Variants in CHRDL2 observed in about 807,000 individuals in gnomAD.
CHRDL2 encodes chordin-like protein 2.
A neutral mutation model predicts 54.3 loss-of-function variants in CHRDL2; 41 were observed. The observed-to-expected ratio is 0.76, with a 90% CI of 0.59 to 0.98. The LOEUF is 0.98. Ranked by LOEUF, CHRDL2 falls within the 50% of genes least tolerant of loss-of-function variation. CHRDL2 has a pLI of 0.00. For synonymous variants in CHRDL2, 220 were observed against 224.3 expected (o/e 0.98, Z 0.17); for missense variants, 518 against 562.4 (o/e 0.92, Z 0.80).
chr11:74,701,709 A>G (rs1450503850), intron 9 of CHRDL2: 1 of 658,534 alleles, frequency 1.5e-6, no homozygotes, highest in Non-Finnish European at 2.8e-6. Context: ...GAGATAGTGA[A>G]TGTGAAAGCA....
chr11:74,699,150 A>G (rs1270397447), intron 9 of CHRDL2: 1 of 152,276 alleles, frequency 6.6e-6, no homozygotes. Flanking sequence ...GGCAACAAGC[A>G]TGAGATGAGA....
intron 1 of CHRDL2, among the ~76,000 whole-genome samples, chr11:74,723,685 GAC>G (rs758978083): frequency 1.4e-4 from 22 of 152,206 alleles, no homozygotes; most frequent in Non-Finnish European, 3.2e-4. Context: ...TGATCACTGA[GAC>G]AGCTACCAAG....
At position 74,696,555 on chromosome 11, in the gene CHRDL2, AG is replaced by A; in HGVS notation, c.1243del (p.Leu415TrpfsTer3). The A allele has an allele frequency of 6.2e-7, 1 of 1,614,074 alleles. No individual in the cohort carries two copies. The highest frequency in any genetic ancestry group is 1.7e-4 in the Middle Eastern group (1 of 5,972). ...GHWNVFLAQT[L>X]ELKVTASPDK... ...TGGACTGGCCGTGACCTTCAGCTCC[AG>A]GGTCTGGGCTAGGAAGACGTTCCAG... On this transcript the variant is annotated frameshift_variant, in exon 11 of 11. Coordinates refer to ENST00000376332, the MANE Select transcript of CHRDL2 (RefSeq NM_001278473.3). LOFTEE classifies it high-confidence loss of function.
intron 4 of CHRDL2, among the ~76,000 whole-genome samples, chr11:74,710,049 T>C (rs1167596251): frequency 6.6e-6 from 1 of 151,852 alleles, no homozygotes; most frequent in African/African-American, 2.4e-5. Flanking sequence ...ACCCCGACTC[T>C]ACTAAAAATA....
chr11:74,729,402 T>TA (rs1364021577), intron 1 of CHRDL2, among the ~76,000 whole-genome samples: 1 of 152,234 alleles, frequency 6.6e-6, no homozygotes, highest in Non-Finnish European at 1.5e-5. Context: ...GTATCTCTCT[T>TA]AGACAGATTA....
At chr11:74,730,108 C>T (rs2034628481) in intron 1 of CHRDL2, among the ~76,000 whole-genome samples, 1 of 152,166 alleles carries the variant, frequency 6.6e-6, no homozygotes, top group African/African-American at 2.4e-5. Flanking sequence ...TCTGTGACGG[C>T]CTCCCAGCAG....
chr11:74,703,238 C>T, intron 8 of CHRDL2, 67 bp downstream of exon 8: 2 of 1,509,510 alleles, frequency 1.3e-6, no homozygotes, highest in Non-Finnish European at 1.8e-6. Context: ...GTGTCTGTGG[C>T]CCTGGGGAGA....
At chr11:74,696,943 T>C (rs1381476076) in intron 10 of CHRDL2, among the ~76,000 whole-genome samples, 1 of 152,162 alleles carries the variant, frequency 6.6e-6, no homozygotes, top group African/African-American at 2.4e-5. Context: ...TACCCAGGTT[T>C]GGGGGCTCAG....
At chr11:74,730,159 A>C (rs966442537) in intron 1 of CHRDL2, among the ~76,000 whole-genome samples, 3 of 152,136 alleles carry the variant, frequency 2.0e-5, no homozygotes, top group African/African-American at 7.2e-5. Context: ...ACGCTGGTCT[A>C]TCTCACTGTG....
rs2033946939 is a variant in CHRDL2 at position 74,704,644 on chromosome 11, T to G, written c.593A>C (p.Gln198Pro). Residue 198 changes from glutamine (Q) to proline (P), a missense_variant, in exon 7 of 11, where the codon CAG (glutamine) becomes CCG (proline). Transcript: ENST00000376332. ...CCCAGCATCACTGGAACATGGATCC[T>G]GAGGATGTCTCTGCAAATGGCAGGA... ...VQSLHGVRHP[Q>P]DPCSSDAGRK... 2 of 1,606,252 alleles carry G rather than the reference T, an allele frequency of 1.2e-6. No individual in the cohort carries two copies. The highest frequency in any genetic ancestry group is 1.7e-6 in the Non-Finnish European group (2 of 1,176,702).
Position 74,703,365 on chromosome 11 carries a change from TG to T in CHRDL2, c.885del (p.Thr296ProfsTer77). The T allele has an allele frequency of 6.2e-7, 1 of 1,613,532 alleles. No homozygotes were observed. Among genetic ancestry groups the T allele is most frequent in the South Asian group, 1.1e-5 (1 of 91,032 alleles). On this transcript the variant is annotated frameshift_variant, in exon 8 of 11. Coordinates refer to ENST00000376332, the MANE Select transcript of CHRDL2 (RefSeq NM_001278473.3). LOFTEE classifies it high-confidence loss of function. The stretch of plus-strand genomic sequence containing the variant: ...TCGGGGTGACGGCAGGGGTACTCGG[TG>T]GGACAGGTCACACGCTGGCAGTCCT... Reference protein sequence around the residue: ...GRQDCQRVTCPTEYPCRHPEK... With the variant: ...GRQDCQRVTCXTEYPCRHPEK...
chr11:74,703,332 C>A lies in CHRDL2; in HGVS notation c.919G>T (p.Ala307Ser). Residue 307 changes from alanine (A) to serine (S), a missense_variant, in exon 8 of 11, where the codon GCT (alanine) becomes TCT (serine). Coordinates refer to ENST00000376332, the MANE Select transcript of CHRDL2 (RefSeq NM_001278473.3). Reference protein sequence around the residue: ...EYPCRHPEKVAGKCCKICPED... With the variant: ...EYPCRHPEKVSGKCCKICPED... ...GGGCAAATCTTGCAGCACTTCCCAGCCACTTTCTCGGGGTGACGGCAGGGG... is the reference window on the plus strand; with the variant it reads ...GGGCAAATCTTGCAGCACTTCCCAGACACTTTCTCGGGGTGACGGCAGGGG... 6.2e-7 allele frequency: 1 copy of A among 1,610,050 alleles called. No individual in the cohort carries two copies. Among genetic ancestry groups the A allele is most frequent in the South Asian group, 1.1e-5 (1 of 90,742 alleles).
chr11:74,726,874 A>G (rs1284119406), intron 1 of CHRDL2, among the ~76,000 whole-genome samples: 1 of 152,194 alleles, frequency 6.6e-6, no homozygotes, highest in African/African-American at 2.4e-5. Flanking sequence ...ACACCTGCAC[A>G]GGTAGATGGG....
intron 9 of CHRDL2, among the ~76,000 whole-genome samples, chr11:74,700,378 A>C (rs188370201): frequency 1.3e-4 from 19 of 151,954 alleles, no homozygotes; most frequent in African/African-American, 4.6e-4. Flanking sequence ...ACTTATTTTA[A>C]TTTTTAGTGA....
chr11:74,724,820 C>G (rs141718805), intron 1 of CHRDL2, among the ~76,000 whole-genome samples: 2 of 152,294 alleles, frequency 1.3e-5, no homozygotes, highest in African/African-American at 4.8e-5. Flanking sequence ...CCTAACCAAA[C>G]TGGGACCTTC....
rs766047405 is a variant in CHRDL2 at position 74,702,801 on chromosome 11, C to T, written c.1113G>A (p.Leu371=). ...SDLVEIYLWK[L]VKGIFHLTQI... ...GAGTGGGCCAGCACTCACCTTTTAC[C>T]AGCTTCCAGAGGTAGATCTCCACCA... Residue 371 remains leucine, a synonymous_variant, in exon 9 of 11, where the codon CTG becomes CTA. Coordinates refer to ENST00000376332, the MANE Select transcript of CHRDL2 (RefSeq NM_001278473.3). The T allele has an allele frequency of 1.9e-6, 3 of 1,613,938 alleles. No individual in the cohort carries two copies. Among genetic ancestry groups the T allele is most frequent in the Non-Finnish European group, 1.7e-6 (2 of 1,180,002 alleles).
rs1004102280 is a variant in CHRDL2, at chr11:74,697,225, A to G, written c.1193T>C (p.Leu398Pro). The G allele has an allele frequency of 6.2e-7, 1 of 1,613,920 alleles. No individual in the cohort carries two copies. Among genetic ancestry groups the G allele is most frequent in the African/African-American group, 1.3e-5 (1 of 75,060 alleles). Residue 398 changes from leucine to proline, a missense_variant, in exon 10 of 11, where the codon CTG becomes CCG. Transcript: ENST00000376332. Reference protein sequence around the residue: ...DFQKEAQHFRLLAGPHEGHWN... With the variant: ...DFQKEAQHFRPLAGPHEGHWN... ...CCTACCTTCGTGGGGGCCAGCGAGC[A>G]GTCGGAAGTGCTGTGCCTCTTTCTG... is the stretch of plus-strand genomic sequence containing the variant.
At chr11:74,698,767 T>G (rs1262381973) in intron 9 of CHRDL2, 1 of 152,070 alleles carries the variant, frequency 6.6e-6, no homozygotes, top group Non-Finnish European at 1.5e-5. Context: ...GAATGAGGTA[T>G]TAGCTGGATC....
chr11:74,723,316 A>G (rs561796697), intron 1 of CHRDL2, among the ~76,000 whole-genome samples: 36 of 152,324 alleles, frequency 2.4e-4, no homozygotes, highest in Non-Finnish European at 3.4e-4. Flanking sequence ...CATTATTATC[A>G]TTAGTAATAC....
Sources: gnomAD v4.1 joint callset for allele counts (sites outside exome capture counted in the v4.1 genomes callset) on GRCh38, gnomAD v4.1.1 for gene constraint, MANE v1.5 for transcripts, NCBI Gene and HGNC (gene_info 2026-07-23, HGNC 2026-07-21) for gene names.